RBM47: variants seen among roughly 807,000 people sequenced by gnomAD.
The protein encoded by RBM47 is RNA-binding protein 47.
RBM47 carries 21 observed loss-of-function variants against 47.1 expected under a neutral mutation model. The ratio of observed to expected loss-of-function variants is 0.45; its 90% confidence interval spans 0.32 to 0.64. RBM47 has a LOEUF of 0.64. RBM47 is among the 30% of genes least tolerant of loss of function. The probability of loss-of-function intolerance (pLI) is 0.05; values close to 1 mark genes in which losing one functional copy is unlikely to be tolerated. For synonymous variants in RBM47, 375 were observed against 361.7 expected (o/e 1.04, Z -0.42); for missense variants, 708 against 870.9 (o/e 0.81, Z 2.35).
At chr4:40,556,311 C>T (rs1034096866) in intron 1 of RBM47, among the ~76,000 whole-genome samples, 1 of 151,928 alleles carries the variant, frequency 6.6e-6, no homozygotes, top group African/African-American at 2.4e-5. Flanking sequence ...GCTGGGATTA[C>T]AGGCTGAGCC....
rs192571063 is a variant in RBM47 at position 40,614,174 on chromosome 4, C to T, written c.-240+15222G>A. Among the ~76,000 whole-genome samples, 24 of 152,246 alleles carry T rather than the reference C, an allele frequency of 1.6e-4. No homozygotes were observed. In the East Asian group the frequency reaches 4.2e-3, roughly 27 times the overall value. ...TGTAAGAACTTTGTAAGATTTGGAACGAGCCATCTAACCCAGCATTATTTC... is the reference window on the plus strand; with the variant it reads ...TGTAAGAACTTTGTAAGATTTGGAATGAGCCATCTAACCCAGCATTATTTC... On this transcript the variant is annotated intron_variant, in intron 1 of 6. Transcript: ENST00000295971.
At chr4:40,445,148 C>T (rs182473736) in intron 3 of RBM47, among the ~76,000 whole-genome samples, 34 of 147,020 alleles carry the variant, frequency 2.3e-4, no homozygotes, top group African/African-American at 8.2e-4. Context: ...CTGGTGGACG[C>T]CTGTAGTCCC....
upstream of RBM47, chr4:40,629,962 C>T (rs905519529): frequency 3.3e-5 from 5 of 152,280 alleles, no homozygotes; most frequent in African/African-American, 1.2e-4. Context: ...CGTCTACTCC[C>T]TTCCCTTAAA....
At chr4:40,540,507 C>G (rs1728406187) in intron 2 of RBM47, among the ~76,000 whole-genome samples, 1 of 151,524 alleles carries the variant, frequency 6.6e-6, no homozygotes, top group Non-Finnish European at 1.5e-5. Context: ...GGCATGGTGG[C>G]GCATGCCTGT....
chr4:40,509,191 T>TAAATAAATAAATAAATAAA lies in RBM47; in HGVS notation c.-155+35230_-155+35231insTTTATTTATTTATTTATTT, dbSNP rs1560431667. Among the ~76,000 whole-genome samples the TAAATAAATAAATAAATAAA allele has an allele frequency of 3.4e-5, 4 of 117,852 alleles. No individual in the cohort carries two copies. In the East Asian group the frequency reaches 8.2e-4, roughly 24 times the overall value. The allele number at this position is 117,852 out of a possible 152,430, so 77.3% of individuals were successfully genotyped here. ...AATAAATAAATAAATAAATAAATAA[T>TAAATAAATAAATAAATAAA]AATAATATATTTTTTTCAAAGTAGT... On this transcript the variant is annotated intron_variant, in intron 2 of 6. Coordinates refer to ENST00000295971, the MANE Select transcript of RBM47 (RefSeq NM_001098634.2).
intron 2 of RBM47, among the ~76,000 whole-genome samples, chr4:40,538,328 G>GT (rs34309510): frequency 0.21 from 26,261 of 125,674 alleles, 3,758 homozygotes; most frequent in African/African-American, 0.36. Context: ...TATTGGTATT[G>GT]TTTTTTTTTT....
chr4:40,492,234 G>C (rs986364144), intron 2 of RBM47, among the ~76,000 whole-genome samples: 1 of 151,990 alleles, frequency 6.6e-6, no homozygotes, highest in African/African-American at 2.4e-5. Context: ...GCCAGGCCTG[G>C]GGGTATGCGC....
At chr4:40,580,570 C>A (rs1005850638) in intron 1 of RBM47, among the ~76,000 whole-genome samples, 1 of 152,166 alleles carries the variant, frequency 6.6e-6, no homozygotes, top group Non-Finnish European at 1.5e-5. Context: ...CCATCATTCC[C>A]CAACCCACCA....
At chr4:40,600,395 G>C (rs1735141871) in intron 1 of RBM47, among the ~76,000 whole-genome samples, 1 of 151,696 alleles carries the variant, frequency 6.6e-6, no homozygotes, top group African/African-American at 2.4e-5. Context: ...AGCACTTTGG[G>C]AGGCCAAGGC....
chr4:40,514,770 C>T (rs1437210810), intron 2 of RBM47: 1 of 152,234 alleles, frequency 6.6e-6, no homozygotes, highest in African/African-American at 2.4e-5. Flanking sequence ...AGGGGGAAAG[C>T]AATGTCAAAC....
intron 1 of RBM47, among the ~76,000 whole-genome samples, chr4:40,608,779 G>A (rs1735986361): frequency 6.6e-6 from 1 of 152,128 alleles, no homozygotes; most frequent in African/African-American, 2.4e-5. Flanking sequence ...GGCATGAAAG[G>A]CACACTCTGG....
chr4:40,438,378 G>A lies in RBM47; in HGVS notation c.516C>T (p.Ala172=), dbSNP rs762854745. ...KKREEILEEI[A]KVTEGVLDVI... is the part of the protein sequence containing the mutation. ...CGTCCAGCACGCCCTCGGTGACCTT[G>A]GCAATCTCCTCCAGGATTTCCTCGC... The change falls in exon 4 of 7, where the codon GCC becomes GCT. Residue 172 remains alanine, a synonymous_variant. Coordinates refer to ENST00000295971, the MANE Select transcript of RBM47 (RefSeq NM_001098634.2). The A allele has an allele frequency of 5.0e-6, 8 of 1,612,758 alleles. No individual in the cohort carries two copies. In the African/African-American group the frequency reaches 9.3e-5, roughly 19 times the overall value.
intron 1 of RBM47, among the ~76,000 whole-genome samples, chr4:40,585,859 A>G (rs1733526551): frequency 6.6e-6 from 1 of 152,204 alleles, no homozygotes; most frequent in Non-Finnish European, 1.5e-5. Flanking sequence ...CTCTAGACCT[A>G]TGTGTTGAAT....
At chr4:40,571,960 T>C (rs1577984003) in intron 1 of RBM47, among the ~76,000 whole-genome samples, 1 of 149,762 alleles carries the variant, frequency 6.7e-6, no homozygotes, top group Admixed American at 6.6e-5. Context: ...GAGGCGGAGG[T>C]TGCACTGAGC....
intron 1 of RBM47, among the ~76,000 whole-genome samples, chr4:40,599,501 G>C (rs912127010): frequency 1.1e-4 from 17 of 152,084 alleles, no homozygotes; most frequent in African/African-American, 4.1e-4. Flanking sequence ...AGTGGGCTCT[G>C]TGCCTGCTTC....
rs939081648 is a variant in RBM47, at chr4:40,566,124, G to A, written c.-239-21618C>T. ...ACAGAATAAACAGAATAGGAGGAATGAGGGAGAGCCAAGAGAAAAGAACAA... is the reference window on the plus strand; with the variant it reads ...ACAGAATAAACAGAATAGGAGGAATAAGGGAGAGCCAAGAGAAAAGAACAA... On this transcript the variant is annotated intron_variant, in intron 1 of 6. Coordinates refer to ENST00000295971, the MANE Select transcript of RBM47 (RefSeq NM_001098634.2). Among the ~76,000 whole-genome samples the A allele has an allele frequency of 2.6e-5, 4 of 152,076 alleles. No homozygotes were observed. In the East Asian group the frequency reaches 7.7e-4, roughly 29 times the overall value.
At chr4:40,580,503 A>T (rs1732781154) in intron 1 of RBM47, among the ~76,000 whole-genome samples, 1 of 152,190 alleles carries the variant, frequency 6.6e-6, no homozygotes, top group African/African-American at 2.4e-5. Flanking sequence ...GGGATGCTGA[A>T]GAGAAAGCCC....
chr4:40,604,951 G>A (rs906711243), intron 1 of RBM47, among the ~76,000 whole-genome samples: 5 of 148,464 alleles, frequency 3.4e-5, no homozygotes, highest in African/African-American at 5.0e-5. Context: ...TCCTGACCTC[G>A]TGATCCACCC....
At chr4:40,590,426 G>T (rs1421178301) in intron 1 of RBM47, among the ~76,000 whole-genome samples, 1 of 151,928 alleles carries the variant, frequency 6.6e-6, no homozygotes, top group Admixed American at 6.6e-5. Context: ...ACAAAGACTG[G>T]GCAAGACAAC....
Sources: allele counts gnomAD v4.1 joint callset (sites outside exome capture counted in the v4.1 genomes callset), GRCh38; gene constraint gnomAD v4.1.1; transcripts MANE v1.5; gene names NCBI Gene and HGNC (gene_info 2026-07-23, HGNC 2026-07-21).